The following CELSR1 variants were observed in gnomAD, a reference collection of about 807,000 sequenced individuals.
CELSR1 encodes adhesion G protein-coupled receptor C1.
A neutral mutation model predicts 249.1 loss-of-function variants in CELSR1; 110 were observed. The ratio of observed to expected loss-of-function variants is 0.44; its 90% CI spans 0.38 to 0.52. The LOEUF (loss-of-function observed/expected upper bound fraction) is 0.52, where lower values mean the gene tolerates loss of function less well. Ranked by LOEUF, CELSR1 falls within the 20% of genes least tolerant of loss-of-function variation. The probability of loss-of-function intolerance (pLI) is 0.00; values close to 1 mark genes in which losing one functional copy is unlikely to be tolerated. For synonymous variants in CELSR1, 2,113 were observed against 1,900.0 expected (o/e 1.11, Z -2.92); for missense variants, 4,109 against 4,296.4 (o/e 0.96, Z 1.22).
At chr22:46,419,262 T>C (rs2079438184) in intron 5 of CELSR1, among the ~76,000 whole-genome samples, 1 of 152,140 alleles carries the variant, frequency 6.6e-6, no homozygotes, top group Non-Finnish European at 1.5e-5. Context: ...CAATGACAAA[T>C]GAAGGGCCAA....
intron 20 of CELSR1, among the ~76,000 whole-genome samples, chr22:46,382,870 G>A (rs573262917): frequency 1.7e-4 from 26 of 152,284 alleles, no homozygotes; most frequent in African/African-American, 5.1e-4. Context: ...CAGAAAGAAC[G>A]GTAGGCACCA....
Position 46,537,496 on chromosome 22 carries a change from C to T in CELSR1, c.-326G>A, listed in dbSNP as rs1290284633. On this transcript the variant is annotated 5_prime_UTR_variant, in exon 1 of 35. Coordinates refer to ENST00000674500, the MANE Select transcript of CELSR1 (RefSeq NM_001378328.1). This position sits in a 1 kb window ranked among gnomAD's most constrained non-coding sequence, Gnocchi z 5.8. ...GCTCCAGGTGGCTCCGGCGCGGGCT[C>T]GGCCGGACGGGCGTGGGAAGCGGGG... 1.3e-5 allele frequency among the ~76,000 whole-genome samples: 2 copies of T among 149,126 alleles called. No individual in the cohort carries two copies. Among genetic ancestry groups the T allele is most frequent in the East Asian group, 3.9e-4 (2 of 5,174 alleles).
At position 46,401,051 on chromosome 22, in the gene CELSR1, C is replaced by T. The variant is rs1569136673; in HGVS notation, c.5227-1149G>A. The stretch of plus-strand genomic sequence containing the variant: ...ATTCTACGGGAAAAAGGATCAATCG[C>T]TTCATGGAGGTCAAGTAAGGGAAGC... On this transcript the variant is annotated intron_variant, in intron 9 of 34. Coordinates refer to ENST00000674500, the MANE Select transcript of CELSR1 (RefSeq NM_001378328.1). This position sits in a 1 kb window ranked among gnomAD's most constrained non-coding sequence, Gnocchi z 4.7. 1.3e-5 allele frequency among the ~76,000 whole-genome samples: 2 copies of T among 152,034 alleles called. No homozygotes were observed.
chr22:46,434,936 G>A lies in CELSR1; in HGVS notation c.4522+1238C>T, dbSNP rs568214239. Among the ~76,000 whole-genome samples, 9 of 152,010 alleles carry A rather than the reference G, an allele frequency of 5.9e-5. No individual in the cohort carries two copies. Among genetic ancestry groups the A allele is most frequent in the Admixed American group, 2.0e-4 (3 of 15,256 alleles). ...CGCTTGAACCTGGGAGGTGGAGGTC[G>A]CAGTGAGCCAATATTGCACCACTGC... On this transcript the variant is annotated intron_variant, in intron 4 of 34. Coordinates refer to ENST00000674500, the MANE Select transcript of CELSR1 (RefSeq NM_001378328.1). The surrounding 1 kb of genome is among the most constrained non-coding windows in gnomAD (Gnocchi z 4.9).
intron 1 of CELSR1, among the ~76,000 whole-genome samples, chr22:46,516,544 T>C (rs2080630215): frequency 6.6e-6 from 1 of 152,060 alleles, no homozygotes; most frequent in Non-Finnish European, 1.5e-5. Flanking sequence ...CTCGCCATGT[T>C]GCCCAGGCCG....
At chr22:46,375,944 C>T (rs2078914107) in intron 24 of CELSR1, among the ~76,000 whole-genome samples, 1 of 152,194 alleles carries the variant, frequency 6.6e-6, no homozygotes, top group South Asian at 2.1e-4. Context: ...CCTTTCTGAT[C>T]TCTATGCTTT....
intron 9 of CELSR1, among the ~76,000 whole-genome samples, chr22:46,400,253 T>C (rs897387472): frequency 3.3e-5 from 5 of 151,856 alleles, no homozygotes; most frequent in African/African-American, 1.2e-4. Flanking sequence ...TGCTTGAACC[T>C]GGGAGGTGGA....
intron 5 of CELSR1, among the ~76,000 whole-genome samples, chr22:46,414,626 GCAGGCTAACCGTCCACTCTGCA>G (rs2079377978): frequency 6.8e-6 from 1 of 147,856 alleles, no homozygotes; most frequent in Non-Finnish European, 1.5e-5. Context: ...GGTTTAACGC[GCAGGCTAACCGTCCACTCTGCA>G]GTTGAGGCCA....
chr22:46,482,085 T>A, intron 1 of CELSR1, among the ~76,000 whole-genome samples: 1 of 152,338 alleles, frequency 6.6e-6, no homozygotes, highest in Middle Eastern at 3.4e-3. Flanking sequence ...CTTTTATAAA[T>A]CTTGGCCATG....
chr22:46,522,838 C>T (rs368419817), intron 1 of CELSR1, among the ~76,000 whole-genome samples: 3 of 152,214 alleles, frequency 2.0e-5, no homozygotes, highest in African/African-American at 4.8e-5. Flanking sequence ...GCAATCTGAA[C>T]GGGGCAGTGA....
chr22:46,521,378 A>G (rs939448528), intron 1 of CELSR1, among the ~76,000 whole-genome samples: 5 of 151,876 alleles, frequency 3.3e-5, no homozygotes, highest in Non-Finnish European at 7.4e-5. Context: ...GGTGGCGGGC[A>G]CCTGTAGTCC....
At position 46,417,318 on chromosome 22, in the gene CELSR1, G is replaced by A. The variant is rs1033931776; in HGVS notation, c.4612-5559C>T. 6.6e-6 allele frequency among the ~76,000 whole-genome samples: 1 copy of A among 152,324 alleles called. No individual in the cohort carries two copies. Among genetic ancestry groups the A allele is most frequent in the East Asian group, 1.9e-4 (1 of 5,186 alleles). On this transcript the variant is annotated intron_variant, in intron 5 of 34. Transcript: ENST00000674500. This position sits in a 1 kb window ranked among gnomAD's most constrained non-coding sequence, Gnocchi z 4.1. ...GAGGAGCAAATTCACGCAGATGCACGCAGCCTTCCAGAATTCAAACTGGCC... is the reference window on the plus strand; with the variant it reads ...GAGGAGCAAATTCACGCAGATGCACACAGCCTTCCAGAATTCAAACTGGCC...
Position 46,397,820 on chromosome 22 carries a change from T to C in CELSR1, c.5555A>G (p.Asn1852Ser), listed in dbSNP as rs1211184120. 2 of 1,586,848 alleles carry C rather than the reference T, an allele frequency of 1.3e-6. No homozygotes were observed. Among genetic ancestry groups the C allele is most frequent in the Admixed American group, 1.7e-5 (1 of 57,576 alleles). The change falls in exon 12 of 35, where the codon AAC becomes AGC. Residue 1852 changes from asparagine to serine, a missense_variant. Asn to Ser is a conservative substitution (Grantham distance 46). Transcript: ENST00000674500. ...GTTGTTCATGTTCAGGGTGGCGACG[T>C]TGGTGGGCGTCCCCCCCATCCTCAC... Reference protein sequence around the residue: ...QGVRMGGTPTNVATLNMNNAL... With the variant: ...QGVRMGGTPTSVATLNMNNAL...
Position 46,391,748 on chromosome 22 carries a change from G to A in CELSR1, c.6033C>T (p.His2011=). The change falls in exon 15 of 35, where the codon CAC becomes CAT. Residue 2011 remains histidine (H), a synonymous_variant. Transcript: ENST00000674500. The surrounding 1 kb of genome is among the most constrained non-coding windows in gnomAD (Gnocchi z 4.3). ...LPCDCFPHGS[H]SRTCDMATGQ... is the part of the protein sequence containing the mutation. Reference sequence around the variant, plus strand: ...CGGTGGCCATGTCGCAAGTGCGGCTGTGGGAGCCATGGGGGAAGCAGTCGC... The same window carrying A: ...CGGTGGCCATGTCGCAAGTGCGGCTATGGGAGCCATGGGGGAAGCAGTCGC... The A allele has an allele frequency of 6.2e-7, 1 of 1,612,710 alleles. No individual in the cohort carries two copies. The highest frequency in any genetic ancestry group is 8.5e-7 in the Non-Finnish European group (1 of 1,179,886).
At chr22:46,463,215 C>G (rs2080052372) in intron 2 of CELSR1, among the ~76,000 whole-genome samples, 1 of 152,200 alleles carries the variant, frequency 6.6e-6, no homozygotes, top group Non-Finnish European at 1.5e-5. Context: ...CCCGAGCTGG[C>G]TAAGAAAGTG....
intron 32 of CELSR1, among the ~76,000 whole-genome samples, chr22:46,365,014 CT>C (rs2078751591): frequency 6.6e-6 from 1 of 152,234 alleles, no homozygotes; most frequent in African/African-American, 2.4e-5. Flanking sequence ...AGAGACCCCC[CT>C]GAGAGTTCCT....
In CELSR1 at chr22:46,436,208, G is replaced by A. The variant is rs769029491; in HGVS notation, c.4488C>T (p.Ile1496=). The A allele has an allele frequency of 3.8e-5, 62 of 1,613,246 alleles. No homozygotes were observed. The highest frequency in any genetic ancestry group is 4.7e-5 in the Non-Finnish European group (55 of 1,179,436). ...AGGTGAGCTGCACCTGCTCGTCCAC[G>A]ATCTCCAGGGCGATGAAGTCGTGCT... ...NEKHDFIALE[I]VDEQVQLTFS... is the part of the protein sequence containing the mutation. The change falls in exon 4 of 35, where the codon ATC becomes ATT. Residue 1496 remains isoleucine, a synonymous_variant. Coordinates refer to ENST00000674500, the MANE Select transcript of CELSR1 (RefSeq NM_001378328.1). The surrounding 1 kb of genome is among the most constrained non-coding windows in gnomAD (Gnocchi z 5.9).
chr22:46,416,405 C>T (rs1426334338), intron 5 of CELSR1, among the ~76,000 whole-genome samples: 5 of 152,228 alleles, frequency 3.3e-5, no homozygotes, highest in Non-Finnish European at 7.3e-5. Context: ...ACCAACACCC[C>T]TTGCAGGAAA....
rs2080839305 is a variant in CELSR1 at position 46,535,246 on chromosome 22, C to T, written c.1925G>A (p.Cys642Tyr). 6.2e-7 allele frequency: 1 copy of T among 1,609,994 alleles called. No individual in the cohort carries two copies. The highest frequency in any genetic ancestry group is 1.1e-5 in the South Asian group (1 of 91,084). Residue 642 changes from cysteine (C) to tyrosine (Y), a missense_variant, in exon 1 of 35, where the codon TGT (cysteine) becomes TAT (tyrosine). Physicochemically the swap from Cys to Tyr is radical, Grantham distance 194 (BLOSUM62 -2). This residue lies in a region of CELSR1 where 886 missense variants were observed against 896.5 expected (regional missense o/e 0.99). Transcript: ENST00000674500. Reference protein sequence around the residue: ...IHNSSGWITVCAELDREEVEH... With the variant: ...IHNSSGWITVYAELDREEVEH... ...CACCTCCTCGCGGTCCAGCTCGGCA[C>T]ACACTGTGATCCAACCGGAGCTGTT... is the stretch of plus-strand genomic sequence containing the variant.
Sources: allele counts gnomAD v4.1 joint callset (sites outside exome capture counted in the v4.1 genomes callset), GRCh38; gene constraint gnomAD v4.1.1; regional missense constraint gnomAD v4.1.1; non-coding constraint Gnocchi (gnomAD v3.1); transcripts MANE v1.5; gene names NCBI Gene and HGNC (gene_info 2026-07-23, HGNC 2026-07-21).